Variants in WDPCP observed in about 807,000 individuals in gnomAD.
WDPCP encodes WD repeat containing planar cell polarity effector.
In WDPCP, 71 loss-of-function variants were observed where a neutral mutation model predicts 93.1. The observed-to-expected ratio is 0.76, with a 90% CI of 0.63 to 0.93. The LOEUF (loss-of-function observed/expected upper bound fraction) is 0.93. WDPCP is among the 40% of genes least tolerant of loss of function. WDPCP has a pLI of 0.00. For missense variants in WDPCP, 844 were observed against 887.4 expected (o/e 0.95, Z 0.62); for synonymous variants, 315 against 315.0 (o/e 1.00, Z 0.00).
intron 2 of WDPCP, among the ~76,000 whole-genome samples, chr2:63,805,272 C>G (rs1313105145): frequency 6.6e-6 from 1 of 152,120 alleles, no homozygotes; most frequent in Non-Finnish European, 1.5e-5. Flanking sequence ...CACTTAATCT[C>G]ATTTAAGATC....
rs565532129 is a variant in WDPCP at position 63,264,714 on chromosome 2, T to A, written c.1813-5305A>T. On this transcript the variant is annotated intron_variant, in intron 13 of 17. Transcript: ENST00000272321. ...AGGAGACATCAATTTAAACTACAAT[T>A]AAAAAAATGGACCTAACAGATATTT... Among the ~76,000 whole-genome samples, 4 of 152,090 alleles carry A rather than the reference T, an allele frequency of 2.6e-5. No homozygotes were observed. In the East Asian group the frequency reaches 7.7e-4, roughly 29 times the overall value.
intron 2 of WDPCP, among the ~76,000 whole-genome samples, chr2:63,787,430 AGAT>A: frequency 6.6e-6 from 1 of 152,324 alleles, no homozygotes; most frequent in African/African-American, 2.4e-5. Context: ...CTGGACAAAA[AGAT>A]GAAATATGCA....
At chr2:63,531,977 G>A (rs929931609) in intron 1 of WDPCP, among the ~76,000 whole-genome samples, 6 of 152,008 alleles carry the variant, frequency 3.9e-5, no homozygotes, top group African/African-American at 9.7e-5. Flanking sequence ...AAAATTAGAC[G>A]AACAGCTAAC....
chr2:63,434,780 T>C (rs1697023825), intron 8 of WDPCP, among the ~76,000 whole-genome samples: 1 of 152,102 alleles, frequency 6.6e-6, no homozygotes, highest in South Asian at 2.1e-4. Context: ...ATCAGAGAAA[T>C]GCTTCTGGAG....
chr2:63,169,018 A>G (rs182444707), intron 15 of WDPCP, among the ~76,000 whole-genome samples: 59 of 152,276 alleles, frequency 3.9e-4, no homozygotes, highest in African/African-American at 1.4e-3. Context: ...ACTATTGGCT[A>G]TACAACCATC....
chr2:63,769,790 C>A lies in WDPCP; in HGVS notation n.308+43832G>T, dbSNP rs540303838. Among the ~76,000 whole-genome samples the A allele has an allele frequency of 7.9e-5, 12 of 151,882 alleles. No individual in the cohort carries two copies. In the South Asian group the frequency reaches 1.2e-3, roughly 16 times the overall value. On this transcript the variant is annotated intron_variant and non_coding_transcript_variant, in intron 2 of 4. Transcript: ENST00000467687. ...TGTAGGTATATCATAATTCACATTTCAAGGTTGATGGGGAAAAAAATGAAT... is the reference window on the plus strand; with the variant it reads ...TGTAGGTATATCATAATTCACATTTAAAGGTTGATGGGGAAAAAAATGAAT...
chr2:63,160,348 T>G (rs1038676062), intron 15 of WDPCP, among the ~76,000 whole-genome samples: 4 of 152,214 alleles, frequency 2.6e-5, no homozygotes, highest in Non-Finnish European at 5.9e-5. Context: ...GATTAACATT[T>G]TTATGTTTAT....
chr2:63,762,676 A>G (rs1307621279), intron 2 of WDPCP, among the ~76,000 whole-genome samples: 1 of 152,186 alleles, frequency 6.6e-6, no homozygotes, highest in Admixed American at 6.5e-5. Context: ...GAGTGTACTA[A>G]CATGCTAGCT....
At chr2:63,327,981 G>T (rs138388806) in intron 12 of WDPCP, among the ~76,000 whole-genome samples, 1 of 152,116 alleles carries the variant, frequency 6.6e-6, no homozygotes, top group South Asian at 2.1e-4. Context: ...GCCCCTATCC[G>T]GCAGGAAATA....
intron 13 of WDPCP, among the ~76,000 whole-genome samples, chr2:63,288,090 G>A (rs1466400432): frequency 6.6e-6 from 1 of 152,150 alleles, no homozygotes; most frequent in African/African-American, 2.4e-5. Flanking sequence ...CTACCCAACA[G>A]TATCATGCCA....
intron 2 of WDPCP, among the ~76,000 whole-genome samples, chr2:63,730,283 C>G (rs1669543273): frequency 6.6e-6 from 1 of 151,868 alleles, no homozygotes; most frequent in Non-Finnish European, 1.5e-5. Flanking sequence ...GTGACAGAAC[C>G]AGGATCTGAA....
intron 13 of WDPCP, among the ~76,000 whole-genome samples, chr2:63,288,780 G>C (rs1327934447): frequency 6.6e-6 from 1 of 152,146 alleles, no homozygotes; most frequent in Middle Eastern, 3.4e-3. Flanking sequence ...TCCATTTCTT[G>C]ATGCATTTAG....
rs1045663564 is a variant in WDPCP at position 63,671,735 on chromosome 2, A to G, written n.309-20897T>C. ...GCCAATCTTTGCATATTTAATCCCA[A>G]ATTGGTACCTGCTTTTCAGACTAAT... On this transcript the variant is annotated intron_variant and non_coding_transcript_variant, in intron 2 of 4. Coordinates refer to the WDPCP transcript ENST00000467687. Among the ~76,000 whole-genome samples, 4 of 152,144 alleles carry G rather than the reference A, an allele frequency of 2.6e-5. No homozygotes were observed. In the South Asian group the frequency reaches 8.3e-4, roughly 32 times the overall value.
At chr2:63,461,286 A>T (rs941934604) in intron 6 of WDPCP, among the ~76,000 whole-genome samples, 1 of 152,124 alleles carries the variant, frequency 6.6e-6, no homozygotes, top group Non-Finnish European at 1.5e-5. Context: ...CAGATTCCTC[A>T]TGGTTTGGTG....
At chr2:63,435,892 A>G (rs1450234241) in intron 8 of WDPCP, among the ~76,000 whole-genome samples, 1 of 152,090 alleles carries the variant, frequency 6.6e-6, no homozygotes, top group East Asian at 1.9e-4. Flanking sequence ...CCAAAGGCAT[A>G]TTCGAATAAG....
chr2:63,216,025 T>C (rs1409720878), intron 14 of WDPCP, among the ~76,000 whole-genome samples: 1 of 152,178 alleles, frequency 6.6e-6, no homozygotes, highest in Non-Finnish European at 1.5e-5. Flanking sequence ...TCACACCAGT[T>C]AGAATGGCGA....
chr2:63,318,879 G>A (rs1387208659), intron 12 of WDPCP, among the ~76,000 whole-genome samples: 1 of 152,038 alleles, frequency 6.6e-6, no homozygotes, highest in Non-Finnish European at 1.5e-5. Context: ...CCCATGACAT[G>A]CAATTTACCC....
At chr2:63,395,490 CTT>C (rs1693641940) in intron 10 of WDPCP, among the ~76,000 whole-genome samples, 1 of 152,136 alleles carries the variant, frequency 6.6e-6, no homozygotes, top group Non-Finnish European at 1.5e-5. Flanking sequence ...CAGTTTTTGA[CTT>C]TGTTTTACAG....
intron 2 of WDPCP, chr2:63,684,372 G>T (rs1668776105): frequency 2.8e-6 from 2 of 719,212 alleles, no homozygotes; most frequent in East Asian, 5.4e-5. Context: ...TGGACGCAAA[G>T]CCATCATCAT....
Sources: allele counts gnomAD v4.1 joint callset (sites outside exome capture counted in the v4.1 genomes callset), GRCh38; gene constraint gnomAD v4.1.1; transcripts MANE v1.5; gene names NCBI Gene and HGNC (gene_info 2026-07-23, HGNC 2026-07-21).